RSPH3: variants seen among roughly 807,000 people sequenced by gnomAD.
RSPH3 encodes the protein radial spoke head protein 3 homolog.
A neutral mutation model predicts 43.8 loss-of-function variants in RSPH3; 21 were observed. The ratio of observed to expected loss-of-function variants is 0.48; its 90% confidence interval spans 0.34 to 0.69. The LOEUF (loss-of-function observed/expected upper bound fraction) is 0.69. RSPH3 is among the 30% of genes least tolerant of loss of function. The probability of loss-of-function intolerance (pLI) is 0.01; values close to 1 mark genes in which losing one functional copy is unlikely to be tolerated. For synonymous variants in RSPH3, 173 were observed against 179.8 expected (o/e 0.96, Z 0.30); for missense variants, 487 against 516.0 (o/e 0.94, Z 0.54).
intron 2 of RSPH3, among the ~76,000 whole-genome samples, chr6:158,988,739 T>A (rs775372220): frequency 8.5e-5 from 13 of 152,184 alleles, no homozygotes; most frequent in Non-Finnish European, 1.6e-4. Flanking sequence ...GCTTGATTTT[T>A]AAAAATTATT....
chr6:158,965,623 C>T, the RSPH3 span, among the ~76,000 whole-genome samples: 1 of 151,998 alleles, frequency 6.6e-6, no homozygotes, highest in East Asian at 1.9e-4. Flanking sequence ...TTTTTATAAA[C>T]TATTGATTTT....
intron 1 of RSPH3, among the ~76,000 whole-genome samples, chr6:158,998,297 C>CAAAAAAAAAAAAAAAAA (rs71297000): frequency 1.9e-5 from 1 of 53,916 alleles, no homozygotes; most frequent in Non-Finnish European, 3.6e-5. Context: ...TAAAAAAATA[C>CAAAAAAAAAAAAAAAAA]AAAAAAAAAA....
In RSPH3 at chr6:158,973,378, T is replaced by G. The variant is rs1777732700; in HGVS notation, c.*4160A>C. The G allele has an allele frequency of 6.6e-6, 1 of 152,186 alleles. No homozygotes were observed. Among genetic ancestry groups the G allele is most frequent in the African/African-American group, 2.4e-5 (1 of 41,438 alleles). 9.4% of individuals were successfully genotyped at this position (152,186 alleles called of 1,614,324 possible). ...TAGAAGAAATTGGTACCATTAACAT[T>G]TGGATGGTTATGGTACCATAACATT... On this transcript the variant is annotated 3_prime_UTR_variant, in exon 8 of 8. Transcript: ENST00000367069.
rs538126852 is a variant in RSPH3 at position 159,000,062 on chromosome 6, C to T, written c.-512G>A. 6.5e-4 allele frequency: 882 copies of T among 1,348,810 alleles called. No homozygotes were observed. The highest frequency in any genetic ancestry group is 1.7e-3 in the Admixed American group (64 of 37,658). The allele number at this position is 1,348,810 out of a possible 1,614,324, so 83.6% of individuals were successfully genotyped here. A position where few individuals can be genotyped will look rare whatever the true frequency, so the allele number is the denominator to read the frequency against. On this transcript the variant is annotated 5_prime_UTR_variant, in exon 1 of 8. Coordinates refer to ENST00000367069, the MANE Select transcript of RSPH3 (RefSeq NM_031924.8). ...AGGGCTGGTGTTGGCGCCATTCTCG[C>T]AGGCCCACGTGCTCCTGCTCTTCCA... is the stretch of plus-strand genomic sequence containing the variant.
Position 158,980,711 on chromosome 6 carries a change from A to C in RSPH3, c.859+63T>G, listed in dbSNP as rs868572984. 2.8e-5 allele frequency: 37 copies of C among 1,307,502 alleles called. No homozygotes were observed. The African/African-American group carries it at 4.8e-4, about 17-fold the overall frequency. The allele number at this position is 1,307,502 out of a possible 1,614,324, so 81.0% of individuals were successfully genotyped here. ...TCAAAATAAAAATGGACATAAGATA[A>C]ATTTGAACCATTAAGAGGATGCTTA... On this transcript the variant is annotated intron_variant, in intron 6 of 7. Coordinates refer to ENST00000367069, the MANE Select transcript of RSPH3 (RefSeq NM_031924.8).
chr6:158,999,805 T>C lies in RSPH3; in HGVS notation c.-255A>G. ...TCGGTTGCCCAGCAACCCAGGGTTC[T>C]GTCTGGGGGCGGGAACTCCGGGCAG... is the stretch of plus-strand genomic sequence containing the variant. On this transcript the variant is annotated 5_prime_UTR_variant, in exon 1 of 8. Transcript: ENST00000367069. 3 of 1,613,382 alleles carry C rather than the reference T, an allele frequency of 1.9e-6. No homozygotes were observed. The highest frequency in any genetic ancestry group is 1.1e-5 in the South Asian group (1 of 90,990).
At chr6:158,997,858 T>A (rs1778648886) in intron 1 of RSPH3, among the ~76,000 whole-genome samples, 1 of 152,062 alleles carries the variant, frequency 6.6e-6, no homozygotes, top group Non-Finnish European at 1.5e-5. Flanking sequence ...TCTATTTTAG[T>A]TTTCTTACAG....
intron 6 of RSPH3, among the ~76,000 whole-genome samples, chr6:158,980,289 G>GT (rs1777988849): frequency 6.6e-6 from 1 of 152,158 alleles, no homozygotes; most frequent in South Asian, 2.1e-4. Context: ...TTAGCTGGGC[G>GT]TGGTAGCAGG....
intron 6 of RSPH3, 80 bp from the exon 7 acceptor site, chr6:158,978,426 A>C (rs1454903033): frequency 1.4e-6 from 1 of 705,398 alleles, no homozygotes; most frequent in African/African-American, 1.8e-5. Context: ...AGACTCATCA[A>C]CATTGGTTTC....
Position 158,988,868 on chromosome 6 carries a change from C to T in RSPH3, c.205-2447G>A, listed in dbSNP as rs116256979. Among the ~76,000 whole-genome samples, 1,206 of 152,212 alleles carry T rather than the reference C, an allele frequency of 7.9e-3. 21 individuals are homozygous for T. Among genetic ancestry groups the T allele is most frequent in the African/African-American group, 0.027 (1,135 of 41,518 alleles). On this transcript the variant is annotated intron_variant, in intron 2 of 7. Transcript: ENST00000367069. The stretch of plus-strand genomic sequence containing the variant: ...AATTTTTGGTCAAAGAGCTCACATC[C>T]TGCCATCTCATTAGGGCCAGTTACT...
At chr6:158,990,681 T>A (rs1440431452) in intron 2 of RSPH3, 1 of 152,152 alleles carries the variant, frequency 6.6e-6, no homozygotes, top group Non-Finnish European at 1.5e-5. Flanking sequence ...AGTTTGATCT[T>A]GATTTGTCTC....
chr6:158,999,364 G>T (rs115362158), intron 1 of RSPH3, 71 bp downstream of exon 1: 5 of 1,384,546 alleles, frequency 3.6e-6, no homozygotes, highest in South Asian at 1.6e-5. Context: ...TTGCCAGGGC[G>T]AAGGGGCCAG....
intron 2 of RSPH3, among the ~76,000 whole-genome samples, chr6:158,990,088 T>G (rs1466416675): frequency 6.6e-6 from 1 of 152,190 alleles, no homozygotes; most frequent in Non-Finnish European, 1.5e-5. Flanking sequence ...TTCTTCAGTT[T>G]TGGAGCCTGG....
At chr6:158,998,171 G>T (rs1778665090) in intron 1 of RSPH3, among the ~76,000 whole-genome samples, 1 of 151,152 alleles carries the variant, frequency 6.6e-6, no homozygotes. Context: ...TGTTTTTTTT[G>T]CTGGGTGTGG....
chr6:158,968,857 G>A (rs1777661120), downstream of RSPH3, among the ~76,000 whole-genome samples: 1 of 151,782 alleles, frequency 6.6e-6, no homozygotes, highest in African/African-American at 2.4e-5. Flanking sequence ...GACTACAGGT[G>A]TGCGCCACCA....
rs574123006 is a variant in RSPH3, at chr6:158,997,917, T to C, written c.116+1518A>G. ...AGAATTTGTTAGAACAAGATAATTA[T>C]GAATTTAGAAAGAGCGTTTGAAATA... is the stretch of plus-strand genomic sequence containing the variant. On this transcript the variant is annotated intron_variant, in intron 1 of 7. Coordinates refer to ENST00000367069, the MANE Select transcript of RSPH3 (RefSeq NM_031924.8). Among the ~76,000 whole-genome samples, 18 of 147,560 alleles carry C rather than the reference T, an allele frequency of 1.2e-4. No homozygotes were observed. In the East Asian group the frequency reaches 3.3e-3, roughly 27 times the overall value.
At chr6:158,991,529 C>T (rs1253060690) in intron 2 of RSPH3, among the ~76,000 whole-genome samples, 1 of 152,122 alleles carries the variant, frequency 6.6e-6, no homozygotes, top group Non-Finnish European at 1.5e-5. Context: ...TGGTGTAGGG[C>T]GAGTGCAGCA....
intron 3 of RSPH3, among the ~76,000 whole-genome samples, chr6:158,984,033 C>T (rs1041210000): frequency 6.6e-6 from 1 of 151,900 alleles, no homozygotes; most frequent in Non-Finnish European, 1.5e-5. Flanking sequence ...ACTCGGGAGG[C>T]TGAGGTGGGA....
chr6:159,000,100 C>T lies in RSPH3; in HGVS notation c.-550G>A, dbSNP rs1240371823. 6.2e-5 allele frequency: 63 copies of T among 1,022,496 alleles called. No individual in the cohort carries two copies. The highest frequency in any genetic ancestry group is 1.3e-4 in the Admixed American group (4 of 31,252). The allele number at this position is 1,022,496 out of a possible 1,614,324, so 63.3% of individuals were successfully genotyped here. A position where few individuals can be genotyped will look rare whatever the true frequency, so the allele number is the denominator to read the frequency against. ...TCCTGCTCTTCCAGGGTGTCCTCGG[C>T]TGTTTCTCCTGCCGCGGCGCAGCAG... On this transcript the variant is annotated 5_prime_UTR_variant, in exon 1 of 8. Coordinates refer to ENST00000367069, the MANE Select transcript of RSPH3 (RefSeq NM_031924.8).
Sources: gnomAD v4.1 joint callset for allele counts (sites outside exome capture counted in the v4.1 genomes callset) on GRCh38, gnomAD v4.1.1 for gene constraint, MANE v1.5 for transcripts, NCBI Gene and HGNC (gene_info 2026-07-23, HGNC 2026-07-21) for gene names.